The following ITPR2 variants were observed in gnomAD, a reference collection of about 807,000 sequenced individuals.
ITPR2 encodes inositol 1,4,5-trisphosphate-gated calcium channel ITPR2.
A neutral mutation model predicts 317.1 loss-of-function variants in ITPR2; 207 were observed. The ratio of observed to expected loss-of-function variants is 0.65; its 90% CI spans 0.58 to 0.73. ITPR2 has a LOEUF of 0.73. Among genes scored for constraint, ITPR2 ranks in the 30% least tolerant of loss-of-function variants. ITPR2 has a pLI of 0.00. For missense variants in ITPR2, 2,613 were observed against 3,284.0 expected (o/e 0.80, Z 4.99); for synonymous variants, 1,156 against 1,149.1 (o/e 1.01, Z -0.12).
At chr12:26,379,415 C>A (rs1046173859) in intron 55 of ITPR2, among the ~76,000 whole-genome samples, 1 of 152,144 alleles carries the variant, frequency 6.6e-6, no homozygotes, top group African/African-American at 2.4e-5. Context: ...TTATCCATGT[C>A]AGTTATGTTA....
At chr12:26,777,262 G>A (rs530491554) in intron 2 of ITPR2, among the ~76,000 whole-genome samples, 2 of 152,314 alleles carry the variant, frequency 1.3e-5, no homozygotes, top group South Asian at 4.1e-4. Flanking sequence ...TCCTAGAGTG[G>A]ATTAGTCACT....
At chr12:26,770,083 A>G (rs1949812792) in intron 2 of ITPR2, among the ~76,000 whole-genome samples, 1 of 152,210 alleles carries the variant, frequency 6.6e-6, no homozygotes, top group African/African-American at 2.4e-5. Flanking sequence ...AATGATTAAA[A>G]TGTACTCTGT....
At chr12:26,576,557 C>A (rs16931019) in intron 34 of ITPR2, among the ~76,000 whole-genome samples, 28,485 of 152,068 alleles carry the variant, frequency 0.19, 3,140 homozygotes, top group African/African-American at 0.31. Context: ...AGAGCCATGG[C>A]GCTCCAGAAT....
chr12:26,494,092 G>A (rs1591828662), intron 39 of ITPR2, 61 bp downstream of exon 39: 2 of 1,308,068 alleles, frequency 1.5e-6, no homozygotes, highest in East Asian at 2.6e-5. Context: ...CTTGGTTTCT[G>A]TGACAAGTAA....
At position 26,631,975 on chromosome 12, in the gene ITPR2, C is replaced by T. The variant is rs777059249; in HGVS notation, c.2825G>A (p.Ser942Asn). The change falls in exon 22 of 57, where the codon AGC becomes AAC. Residue 942 changes from serine (S) to asparagine (N), a missense_variant. Transcript: ENST00000381340. Reference sequence around the variant, plus strand: ...GATGCTGGGTGGCACATCCGGCACGCTCATGGGGAAGATGGAGCCTCTACT... The same window carrying T: ...GATGCTGGGTGGCACATCCGGCACGTTCATGGGGAAGATGGAGCCTCTACT... ...VLSRGSIFPM[S>N]VPDVPPSIHP... 1.4e-5 allele frequency: 22 copies of T among 1,613,576 alleles called. No individual in the cohort carries two copies. Among genetic ancestry groups the T allele is most frequent in the African/African-American group, 1.1e-4 (8 of 74,876 alleles).
intron 13 of ITPR2, among the ~76,000 whole-genome samples, chr12:26,673,256 G>C (rs1414722145): frequency 6.6e-6 from 1 of 152,014 alleles, no homozygotes; most frequent in Non-Finnish European, 1.5e-5. Flanking sequence ...GAGAATTTTA[G>C]ACCAATATCC....
chr12:26,342,941 C>T (rs918073950), intron 55 of ITPR2, among the ~76,000 whole-genome samples: 2 of 151,936 alleles, frequency 1.3e-5, no homozygotes, highest in African/African-American at 2.4e-5. Context: ...GATGGGTTCT[C>T]GGGGGAGTGG....
chr12:26,733,577 T>G (rs958800620), intron 2 of ITPR2, among the ~76,000 whole-genome samples: 15 of 152,228 alleles, frequency 9.9e-5, no homozygotes, highest in African/African-American at 3.6e-4. Flanking sequence ...TATGAAATCT[T>G]AGTCTCAAAG....
rs186583932 is a variant in ITPR2 at position 26,714,273 on chromosome 12, G to A, written c.855+1026C>T. On this transcript the variant is annotated intron_variant, in intron 8 of 56. Coordinates refer to ENST00000381340, the MANE Select transcript of ITPR2 (RefSeq NM_002223.4). The stretch of plus-strand genomic sequence containing the variant: ...ATCTCTCCGTTTTTCAGTTTGTTCC[G>A]TTATTACGTCTCCTAACACTGGTTA... Among the ~76,000 whole-genome samples the A allele has an allele frequency of 1.7e-4, 26 of 152,020 alleles. No individual in the cohort carries two copies. In the East Asian group the frequency reaches 2.3e-3, roughly 14 times the overall value.
rs557651965 is a variant in ITPR2 at position 26,706,635 on chromosome 12, C to A, written c.951+4538G>T. Among the ~76,000 whole-genome samples, 8 of 152,246 alleles carry A rather than the reference C, an allele frequency of 5.3e-5. No individual in the cohort carries two copies. In the South Asian group the frequency reaches 1.7e-3, roughly 32 times the overall value. On this transcript the variant is annotated intron_variant, in intron 9 of 56. Coordinates refer to ENST00000381340, the MANE Select transcript of ITPR2 (RefSeq NM_002223.4). ...GACCCCCTGAGAAAAGTGTGGGCCA[C>A]TATTCATATTGCTATCATAAATGTA...
chr12:26,646,280 T>A (rs1248391562), intron 21 of ITPR2, among the ~76,000 whole-genome samples: 1 of 152,174 alleles, frequency 6.6e-6, no homozygotes, highest in East Asian at 1.9e-4. Flanking sequence ...TGGCAGATTT[T>A]TTTTTTGTCT....
chr12:26,450,170 C>G (rs1371918804), intron 45 of ITPR2, among the ~76,000 whole-genome samples: 2 of 152,052 alleles, frequency 1.3e-5, no homozygotes, highest in Admixed American at 1.3e-4. Context: ...GAGCATGGCC[C>G]TGCCAACACC....
chr12:26,477,129 TA>T (rs1208477841), intron 43 of ITPR2, 122 bp from the exon 44 acceptor site: 4 of 575,548 alleles, frequency 6.9e-6, no homozygotes, highest in Non-Finnish European at 1.2e-5. Context: ...TTAAAACTGC[TA>T]ATTTCATTTG....
chr12:26,703,693 T>C (rs1042501440), intron 9 of ITPR2, among the ~76,000 whole-genome samples: 1 of 152,216 alleles, frequency 6.6e-6, no homozygotes, highest in African/African-American at 2.4e-5. Flanking sequence ...ATAAATCACC[T>C]CTGTGAGCCT....
chr12:26,494,405 A>C (rs1942885651), intron 38 of ITPR2, 65 bp from the exon 39 acceptor site: 18 of 964,628 alleles, frequency 1.9e-5, no homozygotes, highest in Non-Finnish European at 2.5e-5. Context: ...TAAGGTTTTC[A>C]AATTCTTAAA....
chr12:26,435,295 C>T (rs924346270), intron 48 of ITPR2, among the ~76,000 whole-genome samples: 13 of 152,132 alleles, frequency 8.5e-5, no homozygotes, highest in African/African-American at 3.1e-4. Context: ...AAATATGTAC[C>T]TTTTAAACAG....
At chr12:26,783,990 T>C (rs1032306101) in intron 2 of ITPR2, among the ~76,000 whole-genome samples, 2 of 148,344 alleles carry the variant, frequency 1.3e-5, no homozygotes, top group African/African-American at 4.9e-5. Flanking sequence ...AAAAGGACTT[T>C]AGTGGAAAAG....
Position 26,638,592 on chromosome 12 carries a change from A to C in ITPR2, c.2741-6533T>G, listed in dbSNP as rs548732043. Among the ~76,000 whole-genome samples, 4 of 152,354 alleles carry C rather than the reference A, an allele frequency of 2.6e-5. No individual in the cohort carries two copies. The East Asian group carries it at 7.7e-4, about 29-fold the overall frequency. The stretch of plus-strand genomic sequence containing the variant: ...GAGTTTGGTTAAGTGATTATGCCAA[A>C]GAATACTGGGTAACTGATCAATGTT... On this transcript the variant is annotated intron_variant, in intron 21 of 56. Transcript: ENST00000381340.
At chr12:26,614,023 C>T (rs541586466) in intron 26 of ITPR2, among the ~76,000 whole-genome samples, 3 of 152,174 alleles carry the variant, frequency 2.0e-5, no homozygotes, top group South Asian at 4.1e-4. Context: ...TAAAAAATCA[C>T]GGAACACCTG....
Sources: gnomAD v4.1 joint callset for allele counts (sites outside exome capture counted in the v4.1 genomes callset) on GRCh38, gnomAD v4.1.1 for gene constraint, MANE v1.5 for transcripts, NCBI Gene and HGNC (gene_info 2026-07-23, HGNC 2026-07-21) for gene names.